FBXL17: variants seen among roughly 807,000 people sequenced by gnomAD.
The protein encoded by FBXL17 is F-box/LRR-repeat protein 17.
In FBXL17, 22 loss-of-function variants were observed where a neutral mutation model predicts 66.2. The observed-to-expected ratio is 0.33, with a 90% CI of 0.24 to 0.47. The LOEUF (loss-of-function observed/expected upper bound fraction) is 0.47, where lower values mean the gene tolerates loss of function less well. FBXL17 is among the 20% of genes least tolerant of loss of function. The pLI, the probability that FBXL17 is intolerant of heterozygous loss-of-function variation, is 1.00. For synonymous variants in FBXL17, 474 were observed against 400.5 expected (o/e 1.18, Z -2.19); for missense variants, 878 against 948.2 (o/e 0.93, Z 0.97).
At chr5:108,337,387 A>G (rs375781421) in intron 4 of FBXL17, among the ~76,000 whole-genome samples, 19 of 152,206 alleles carry the variant, frequency 1.2e-4, no homozygotes, top group African/African-American at 3.6e-4. Context: ...ATTTTTAAGA[A>G]GTTCTAACAA....
chr5:108,108,155 T>C (rs111861518), intron 6 of FBXL17, among the ~76,000 whole-genome samples: 2 of 152,360 alleles, frequency 1.3e-5, no homozygotes, highest in African/African-American at 2.4e-5. Context: ...AGCTCCTCCA[T>C]GAGCTGTATT....
chr5:108,209,558 T>C (rs1362540915), intron 5 of FBXL17, among the ~76,000 whole-genome samples: 4 of 152,198 alleles, frequency 2.6e-5, no homozygotes, highest in Non-Finnish European at 4.4e-5. Context: ...TCTGCATCTA[T>C]TGAGATAATC....
intron 6 of FBXL17, among the ~76,000 whole-genome samples, chr5:108,104,564 T>C (rs1749720306): frequency 6.6e-6 from 1 of 152,184 alleles, no homozygotes; most frequent in Non-Finnish European, 1.5e-5. Flanking sequence ...GAACAAAAGT[T>C]TGAGAGTTAA....
chr5:108,167,493 G>A (rs1752455579), intron 6 of FBXL17, among the ~76,000 whole-genome samples: 1 of 152,058 alleles, frequency 6.6e-6, no homozygotes, highest in Non-Finnish European at 1.5e-5. Context: ...TAAAATTTTG[G>A]AACAAAAACA....
At chr5:108,001,702 A>G (rs1753737368) in intron 7 of FBXL17, among the ~76,000 whole-genome samples, 2 of 151,960 alleles carry the variant, frequency 1.3e-5, no homozygotes, top group African/African-American at 4.8e-5. Flanking sequence ...GGGTCTCACC[A>G]TGTTAGCCAA....
intron 6 of FBXL17, among the ~76,000 whole-genome samples, chr5:108,041,025 C>T (rs1747026015): frequency 1.3e-5 from 2 of 152,100 alleles, no homozygotes; most frequent in African/African-American, 4.8e-5. Flanking sequence ...TATATAATCT[C>T]TGTGATCCTA....
chr5:107,919,300 A>G (rs1750234488), intron 7 of FBXL17, among the ~76,000 whole-genome samples: 1 of 152,150 alleles, frequency 6.6e-6, no homozygotes, highest in Admixed American at 6.5e-5. Context: ...CCATCGATCC[A>G]GGATCCAACA....
chr5:108,249,097 G>A (rs1357679377), intron 4 of FBXL17, among the ~76,000 whole-genome samples: 1 of 152,118 alleles, frequency 6.6e-6, no homozygotes, highest in Non-Finnish European at 1.5e-5. Flanking sequence ...AGTCAGTCCA[G>A]GATGAGAAAA....
intron 6 of FBXL17, among the ~76,000 whole-genome samples, chr5:108,141,676 C>T (rs1309722505): frequency 1.3e-5 from 2 of 152,198 alleles, no homozygotes; most frequent in Non-Finnish European, 2.9e-5. Context: ...AATTTTCAAA[C>T]ACCTCAAGAT....
chr5:108,051,495 T>C (rs920434487), intron 6 of FBXL17, among the ~76,000 whole-genome samples: 2 of 152,134 alleles, frequency 1.3e-5, no homozygotes, highest in African/African-American at 2.4e-5. Context: ...AAAAAACACA[T>C]GATTATCTCA....
chr5:107,946,652 G>A (rs1292882054), intron 7 of FBXL17, among the ~76,000 whole-genome samples: 1 of 151,746 alleles, frequency 6.6e-6, no homozygotes, highest in Non-Finnish European at 1.5e-5. Context: ...TGAAATCTTT[G>A]TCAGGGACAG....
intron 6 of FBXL17, among the ~76,000 whole-genome samples, chr5:108,077,083 G>A (rs184632063): frequency 1.3e-5 from 2 of 152,088 alleles, no homozygotes; most frequent in African/African-American, 4.8e-5. Context: ...AAAAAAAGAG[G>A]AATTCACCCA....
intron 5 of FBXL17, among the ~76,000 whole-genome samples, chr5:108,195,493 A>C (rs1289849687): frequency 6.6e-6 from 1 of 152,178 alleles, no homozygotes; most frequent in Admixed American, 6.5e-5. Context: ...GTCAAAGAGG[A>C]GATCTAAGAA....
rs1446272636 is a variant in FBXL17, at chr5:107,861,880, A to G, written c.1966-20T>C. On this transcript the variant is annotated intron_variant, in intron 8 of 8. Coordinates refer to ENST00000542267, the MANE Select transcript of FBXL17 (RefSeq NM_001163315.3). ...GTTGACCTGCAAACAAAGAAGAGTC[A>G]CCATCACGCACAGAGACCACCAACA... is the stretch of plus-strand genomic sequence containing the variant. 1.3e-6 allele frequency: 2 copies of G among 1,485,702 alleles called. No individual in the cohort carries two copies. The highest frequency in any genetic ancestry group is 1.8e-6 in the Non-Finnish European group (2 of 1,107,432). 92.0% of individuals were successfully genotyped at this position (1,485,702 alleles called of 1,614,324 possible). A position where few individuals can be genotyped will look rare whatever the true frequency, so the allele number is the denominator to read the frequency against.
chr5:108,031,458 A>C (rs771056386), intron 6 of FBXL17, among the ~76,000 whole-genome samples: 5 of 152,096 alleles, frequency 3.3e-5, no homozygotes, highest in African/African-American at 1.2e-4. Flanking sequence ...AGAACCAAAG[A>C]AAGAGGGAAG....
Position 108,150,843 on chromosome 5 carries a change from A to G in FBXL17, c.1745+35274T>C, listed in dbSNP as rs1751746044. Among the ~76,000 whole-genome samples the G allele has an allele frequency of 3.9e-5, 6 of 152,256 alleles. No individual in the cohort carries two copies. The South Asian group carries it at 1.2e-3, about 32-fold the overall frequency. On this transcript the variant is annotated intron_variant, in intron 6 of 8. Coordinates refer to ENST00000542267, the MANE Select transcript of FBXL17 (RefSeq NM_001163315.3). ...AACTGATTAAGCTGCTATCTGCTGG[A>G]TTTCTCTATTGTAAAGGTACCTTTG...
At position 107,906,856 on chromosome 5, in the gene FBXL17, T is replaced by A. The variant is rs144921642; in HGVS notation, c.1823-25677A>T. Among the ~76,000 whole-genome samples the A allele has an allele frequency of 9.1e-3, 1,393 of 152,332 alleles. 19 individuals carry two copies. The highest frequency in any genetic ancestry group is 0.031 in the African/African-American group (1,303 of 41,584). On this transcript the variant is annotated intron_variant, in intron 7 of 8. Transcript: ENST00000542267. The stretch of plus-strand genomic sequence containing the variant: ...AGAAACTACACATTCATTAACATTA[T>A]GAAATATTTAGGTAGCTTATAATAC...
At position 108,235,893 on chromosome 5, in the gene FBXL17, T is replaced by A. The variant is rs930159124; in HGVS notation, c.1507-11665A>T. Among the ~76,000 whole-genome samples, 7 of 152,308 alleles carry A rather than the reference T, an allele frequency of 4.6e-5. No individual in the cohort carries two copies. In the East Asian group the frequency reaches 1.4e-3, roughly 29 times the overall value. On this transcript the variant is annotated intron_variant, in intron 4 of 8. Transcript: ENST00000542267. ...CTGGTTCAATACTGAAGAAATACATTTTTTGATGCAAAGAAAAACAGAACT... is the reference window on the plus strand; with the variant it reads ...CTGGTTCAATACTGAAGAAATACATATTTTGATGCAAAGAAAAACAGAACT...
Position 108,188,495 on chromosome 5 carries a change from C to T in FBXL17, c.1615-2248G>A, listed in dbSNP as rs189741117. ...GACTCAGCAAAATGATGCTCCAGAA[C>T]AGAGGCAGGTCAAGCAAAGAAATGG... On this transcript the variant is annotated intron_variant, in intron 5 of 8. Coordinates refer to ENST00000542267, the MANE Select transcript of FBXL17 (RefSeq NM_001163315.3). Among the ~76,000 whole-genome samples the T allele has an allele frequency of 1.2e-4, 19 of 152,336 alleles. No homozygotes were observed. The East Asian group carries it at 3.1e-3, about 25-fold the overall frequency.
Sources: allele counts gnomAD v4.1 joint callset (sites outside exome capture counted in the v4.1 genomes callset), GRCh38; gene constraint gnomAD v4.1.1; transcripts MANE v1.5; gene names NCBI Gene and HGNC (gene_info 2026-07-23, HGNC 2026-07-21).